The following CADPS variants were observed in gnomAD, a reference collection of about 807,000 sequenced individuals.
CADPS encodes calcium-dependent secretion activator 1.
CADPS carries 57 observed loss-of-function variants against 167.3 expected under a neutral mutation model. That is an observed-to-expected ratio of 0.34 (90% CI 0.28 to 0.42). The LOEUF is 0.42. Ranked by LOEUF, CADPS falls within the 20% of genes least tolerant of loss-of-function variation. CADPS has a pLI of 1.00. For missense variants in CADPS, 1,414 were observed against 1,738.1 expected, an observed-to-expected ratio of 0.81 and a Z score of 3.32; for synonymous variants, 676 against 635.3, an observed-to-expected ratio of 1.06 and a Z score of -0.96.
At chr3:62,779,692 G>A in intron 1 of CADPS, 1 of 489,378 alleles carries the variant, frequency 2.0e-6, no homozygotes, top group Non-Finnish European at 4.2e-6. Context: ...GCCCCATTCT[G>A]ATCAATAACA....
At chr3:62,419,393 T>C (rs1319786312) in intron 28 of CADPS, among the ~76,000 whole-genome samples, 1 of 152,176 alleles carries the variant, frequency 6.6e-6, no homozygotes, top group Non-Finnish European at 1.5e-5. Context: ...TGGACCCCCA[T>C]GCCTTTAGCC....
Position 62,874,868 on chromosome 3 carries a change from GCCGGCGCCGCCGCCCCCCAGC to G in CADPS, c.141_161del (p.Leu48_Gly54del), listed in dbSNP as rs1474042644. ...CGCCTGCACCCACCCCGGCTCCGGC[GCCGGCGCCGCCGCCCCCCAGC>G]CCGGCGCTGCCGGCCGAGCCCTCGC... On this transcript the variant is annotated inframe_deletion, in exon 1 of 30. Coordinates refer to ENST00000383710, the MANE Select transcript of CADPS (RefSeq NM_003716.4). This position sits in a 1 kb window ranked among gnomAD's most constrained non-coding sequence, Gnocchi z 7.1. 28 of 1,127,412 alleles carry G rather than the reference GCCGGCGCCGCCGCCCCCCAGC, an allele frequency of 2.5e-5. No homozygotes were observed. The Admixed American group carries it at 3.1e-4, about 12-fold the overall frequency. The allele number at this position is 1,127,412 out of a possible 1,614,324, so 69.8% of individuals were successfully genotyped here.
chr3:62,738,387 C>G (rs1311554051), intron 3 of CADPS, among the ~76,000 whole-genome samples: 2 of 152,050 alleles, frequency 1.3e-5, no homozygotes, highest in East Asian at 3.9e-4. Context: ...TATGTTTCTA[C>G]TTTTGCTAAC....
chr3:62,590,691 C>G (rs1302395656), intron 7 of CADPS, among the ~76,000 whole-genome samples: 1 of 151,898 alleles, frequency 6.6e-6, no homozygotes, highest in Non-Finnish European at 1.5e-5. Context: ...TTGCTGGCAT[C>G]GTTAGGTGTG....
chr3:62,408,450 G>A (rs1231102736), intron 28 of CADPS, among the ~76,000 whole-genome samples: 2 of 152,100 alleles, frequency 1.3e-5, no homozygotes, highest in Admixed American at 6.5e-5. Context: ...CTGCTCTTGG[G>A]TTCACTGTTC....
chr3:62,830,115 T>G (rs976885668), intron 1 of CADPS, among the ~76,000 whole-genome samples: 3 of 152,178 alleles, frequency 2.0e-5, no homozygotes, highest in Non-Finnish European at 2.9e-5. Flanking sequence ...CACCTCATTT[T>G]GAAATTGTTC....
chr3:62,804,853 A>T (rs182502), intron 1 of CADPS, among the ~76,000 whole-genome samples: 6,012 of 152,274 alleles, frequency 0.039, 400 homozygotes, highest in African/African-American at 0.14. Context: ...CCATAGACAC[A>T]GTATGTCCTG....
At chr3:62,542,511 C>T (rs929275777) in intron 11 of CADPS, among the ~76,000 whole-genome samples, 1 of 151,970 alleles carries the variant, frequency 6.6e-6, no homozygotes, top group African/African-American at 2.4e-5. Context: ...GTCAAGTAAC[C>T]AGGGGATGTT....
intron 23 of CADPS, among the ~76,000 whole-genome samples, chr3:62,476,253 C>T (rs960155640): frequency 6.6e-6 from 1 of 152,180 alleles, no homozygotes; most frequent in Non-Finnish European, 1.5e-5. Context: ...GAACAAGGGA[C>T]ACAGAATCTG....
intron 27 of CADPS, among the ~76,000 whole-genome samples, chr3:62,444,734 G>C (rs1307765500): frequency 1.3e-5 from 2 of 152,104 alleles, no homozygotes; most frequent in South Asian, 2.1e-4. Context: ...TTTCTATTTT[G>C]TCTTCCTTTG....
chr3:62,710,908 G>A (rs1250416779), intron 3 of CADPS, among the ~76,000 whole-genome samples: 1 of 152,134 alleles, frequency 6.6e-6, no homozygotes, highest in Non-Finnish European at 1.5e-5. Flanking sequence ...TTTAATTCCT[G>A]TCTTATGACT....
rs1178395006 is a variant in CADPS at position 62,519,582 on chromosome 3, A to G, written c.2292-1332T>C. On this transcript the variant is annotated intron_variant, in intron 13 of 29. Coordinates refer to ENST00000383710, the MANE Select transcript of CADPS (RefSeq NM_003716.4). ...ATAAACAACAGGTAGGTTGCCTTCA[A>G]ATTCTCTGGTAAATCTCAAATGTTA... Among the ~76,000 whole-genome samples, 2 of 152,120 alleles carry G rather than the reference A, an allele frequency of 1.3e-5. 1 individual carries two copies. Among genetic ancestry groups the G allele is most frequent in the African/African-American group, 4.8e-5 (2 of 41,428 alleles).
At chr3:62,581,820 G>A (rs1489853234) in intron 8 of CADPS, among the ~76,000 whole-genome samples, 1 of 152,152 alleles carries the variant, frequency 6.6e-6, no homozygotes, top group Non-Finnish European at 1.5e-5. Flanking sequence ...TTGTGAGGTG[G>A]TTTCAGTGAT....
chr3:62,829,308 GACACT>G (rs2074632784), intron 1 of CADPS, among the ~76,000 whole-genome samples: 1 of 152,092 alleles, frequency 6.6e-6, no homozygotes, highest in African/African-American at 2.4e-5. Context: ...ATATAGCATT[GACACT>G]GTATTAGGTA....
chr3:62,829,345 T>A (rs1341823956), intron 1 of CADPS, among the ~76,000 whole-genome samples: 1 of 152,146 alleles, frequency 6.6e-6, no homozygotes, highest in African/African-American at 2.4e-5. Flanking sequence ...CTAGAAATAA[T>A]TTAAATTATA....
rs1488025873 is a variant in CADPS, at chr3:62,602,661, TC to T, written c.1326-9914del. 4.6e-5 allele frequency among the ~76,000 whole-genome samples: 7 copies of T among 152,148 alleles called. No individual in the cohort carries two copies. Among genetic ancestry groups the T allele is most frequent in the Admixed American group, 4.6e-4 (7 of 15,276 alleles). On this transcript the variant is annotated intron_variant, in intron 6 of 29. Transcript: ENST00000383710. This position sits in a 1 kb window ranked among gnomAD's most constrained non-coding sequence, Gnocchi z 4.4. ...ACTAGAAAAGCTAAGCTACCTCTCA[TC>T]TACATAAGTGAGGCGTTTGCTTTGT... is the stretch of plus-strand genomic sequence containing the variant.
chr3:62,592,388 G>A (rs1377179157), intron 7 of CADPS, among the ~76,000 whole-genome samples: 1 of 152,038 alleles, frequency 6.6e-6, no homozygotes, highest in Non-Finnish European at 1.5e-5. Context: ...ATAGTATTGA[G>A]AACTCCTGCT....
chr3:62,466,500 A>C, intron 24 of CADPS, 87 bp from the exon 25 acceptor site: 1 of 847,010 alleles, frequency 1.2e-6, no homozygotes, highest in Non-Finnish European at 2.0e-6. Flanking sequence ...TTAATTTATA[A>C]ATAAAGCCTG....
At chr3:62,553,170 G>C (rs1326143806) in intron 10 of CADPS, among the ~76,000 whole-genome samples, 1 of 152,084 alleles carries the variant, frequency 6.6e-6, no homozygotes, top group Non-Finnish European at 1.5e-5. Flanking sequence ...CTAGCCCCAA[G>C]GCCTCCCCCT....
Sources: gnomAD v4.1 joint callset for allele counts (sites outside exome capture counted in the v4.1 genomes callset) on GRCh38, gnomAD v4.1.1 for gene constraint, Gnocchi (gnomAD v3.1) non-coding constraint, MANE v1.5 for transcripts, NCBI Gene and HGNC (gene_info 2026-07-23, HGNC 2026-07-21) for gene names.